Variants in EPHA6 observed in about 807,000 individuals in gnomAD.
EPHA6 encodes ephrin type-A receptor 6.
A neutral mutation model predicts 112.0 loss-of-function variants in EPHA6; 50 were observed. That is an observed-to-expected ratio of 0.45 (90% CI 0.36 to 0.56). The LOEUF is 0.56. Among genes scored for constraint, EPHA6 ranks in the 20% least tolerant of loss-of-function variants. EPHA6 has a pLI of 0.00. For missense variants in EPHA6, 1,280 were observed against 1,417.4 expected, an observed-to-expected ratio of 0.90 and a Z score of 1.56; for synonymous variants, 529 against 490.7, an observed-to-expected ratio of 1.08 and a Z score of -1.03.
At chr3:97,664,410 C>T (rs910246932) in intron 14 of EPHA6, among the ~76,000 whole-genome samples, 3 of 152,134 alleles carry the variant, frequency 2.0e-5, no homozygotes, top group African/African-American at 4.8e-5. Context: ...AAAACTGGTA[C>T]AAGACAGGGA....
intron 6 of EPHA6, among the ~76,000 whole-genome samples, chr3:97,430,444 C>A (rs376992236): frequency 2.0e-5 from 3 of 151,988 alleles, no homozygotes; most frequent in African/African-American, 7.2e-5. Flanking sequence ...CTTAGAGTAT[C>A]ATTTATTCAC....
intron 6 of EPHA6, among the ~76,000 whole-genome samples, chr3:97,409,385 A>G (rs557618943): frequency 2.9e-4 from 44 of 152,190 alleles, no homozygotes; most frequent in South Asian, 6.2e-4. Context: ...TACTCCTAAC[A>G]ACATATGTTT....
At chr3:97,188,707 T>A (rs976048277) in intron 3 of EPHA6, among the ~76,000 whole-genome samples, 2 of 152,088 alleles carry the variant, frequency 1.3e-5, no homozygotes, top group South Asian at 4.1e-4. Flanking sequence ...TTAATCTACA[T>A]TATGCAAATA....
chr3:97,320,417 A>G (rs927291947), intron 5 of EPHA6, among the ~76,000 whole-genome samples: 1 of 151,950 alleles, frequency 6.6e-6, no homozygotes, highest in Non-Finnish European at 1.5e-5. Context: ...TGGGGGTCTG[A>G]AATACACCAG....
chr3:97,224,806 C>G (rs995643005), intron 3 of EPHA6, among the ~76,000 whole-genome samples: 1 of 151,878 alleles, frequency 6.6e-6, no homozygotes, highest in African/African-American at 2.4e-5. Context: ...AGAATGTAAG[C>G]TCCCCATTTA....
intron 11 of EPHA6, among the ~76,000 whole-genome samples, chr3:97,552,184 G>A (rs2093037633): frequency 6.6e-6 from 1 of 152,290 alleles, no homozygotes; most frequent in African/African-American, 2.4e-5. Flanking sequence ...GTGGAAGACT[G>A]TGTTTATCAA....
intron 3 of EPHA6, among the ~76,000 whole-genome samples, chr3:97,135,733 G>T (rs1421685545): frequency 6.8e-6 from 1 of 147,456 alleles, no homozygotes; most frequent in Non-Finnish European, 1.5e-5. Context: ...TATTTGAATG[G>T]CAAGATTAAA....
Position 97,688,031 on chromosome 3 carries a change from G to A in EPHA6, c.2785-32230G>A, listed in dbSNP as rs929373174. ...CTCCTGCCAAGCTCAAAGTCAGTGA[G>A]GCGGGGAAATATGCTTCATTCCCAG... On this transcript the variant is annotated intron_variant, in intron 14 of 17. Coordinates refer to ENST00000389672, the MANE Select transcript of EPHA6 (RefSeq NM_001080448.3). Among the ~76,000 whole-genome samples the A allele has an allele frequency of 2.6e-5, 4 of 152,294 alleles. No homozygotes were observed. In the East Asian group the frequency reaches 5.8e-4, roughly 22 times the overall value.
intron 14 of EPHA6, among the ~76,000 whole-genome samples, chr3:97,661,970 T>C (rs2107634864): frequency 6.6e-6 from 1 of 152,290 alleles, no homozygotes; most frequent in South Asian, 2.1e-4. Flanking sequence ...TGAAAAAGTA[T>C]CCCTCTTCCC....
chr3:97,386,305 A>G (rs1175495972), intron 5 of EPHA6, among the ~76,000 whole-genome samples: 1 of 152,188 alleles, frequency 6.6e-6, no homozygotes, highest in Non-Finnish European at 1.5e-5. Context: ...TCATTATAGG[A>G]GTGTGAGAAT....
At chr3:96,865,560 T>TAGTC (rs2036255525) in intron 1 of EPHA6, among the ~76,000 whole-genome samples, 1 of 151,726 alleles carries the variant, frequency 6.6e-6, no homozygotes, top group African/African-American at 2.4e-5. Flanking sequence ...TGCGTGCCTG[T>TAGTC]AGTCCCAGCT....
chr3:97,531,247 G>C (rs2092691731), intron 10 of EPHA6, among the ~76,000 whole-genome samples: 1 of 151,908 alleles, frequency 6.6e-6, no homozygotes, highest in Non-Finnish European at 1.5e-5. Flanking sequence ...TGTTCTTAAG[G>C]AAATGCAGGT....
intron 11 of EPHA6, among the ~76,000 whole-genome samples, chr3:97,563,837 C>T (rs753524003): frequency 6.6e-6 from 1 of 152,066 alleles, no homozygotes; most frequent in Non-Finnish European, 1.5e-5. Context: ...TGTTTTTCAA[C>T]AAATAATGTT....
intron 5 of EPHA6, among the ~76,000 whole-genome samples, chr3:97,355,108 T>C (rs1414547450): frequency 6.6e-6 from 1 of 151,942 alleles, no homozygotes; most frequent in African/African-American, 2.4e-5. Context: ...TCCTACAAGA[T>C]GGTAAAGAGA....
intron 5 of EPHA6, among the ~76,000 whole-genome samples, chr3:97,298,256 A>G (rs1576876296): frequency 6.6e-6 from 1 of 152,272 alleles, no homozygotes; most frequent in South Asian, 2.1e-4. Context: ...AAACCTAGAG[A>G]TGAGTGAGTT....
At chr3:96,861,312 C>A (rs2035990071) in intron 1 of EPHA6, among the ~76,000 whole-genome samples, 1 of 152,004 alleles carries the variant, frequency 6.6e-6, no homozygotes, top group African/African-American at 2.4e-5. Flanking sequence ...TAAGTAATAG[C>A]AAACTGCTTC....
chr3:97,064,414 C>T (rs1437936716), intron 3 of EPHA6, among the ~76,000 whole-genome samples: 2 of 152,168 alleles, frequency 1.3e-5, no homozygotes, highest in Non-Finnish European at 2.9e-5. Context: ...ACTTCTCTTT[C>T]TTCCTAATAT....
chr3:97,524,301 T>C (rs1017472700), intron 10 of EPHA6, among the ~76,000 whole-genome samples: 3 of 152,064 alleles, frequency 2.0e-5, no homozygotes, highest in African/African-American at 4.8e-5. Flanking sequence ...AAATATCTTA[T>C]AGTTAAAGTA....
At chr3:97,057,661 C>T (rs2045894269) in intron 3 of EPHA6, among the ~76,000 whole-genome samples, 1 of 152,144 alleles carries the variant, frequency 6.6e-6, no homozygotes. Context: ...CCACAACTAT[C>T]ATAATCACAG....
Sources: allele counts gnomAD v4.1 joint callset (sites outside exome capture counted in the v4.1 genomes callset), GRCh38; gene constraint gnomAD v4.1.1; transcripts MANE v1.5; gene names NCBI Gene and HGNC (gene_info 2026-07-23, HGNC 2026-07-21).